ARAP3: variants seen among roughly 807,000 people sequenced by gnomAD.
ARAP3 encodes ArfGAP with RhoGAP domain, ankyrin repeat and PH domain 3.
In ARAP3, 82 loss-of-function variants were observed where a neutral mutation model predicts 169.2. That is an observed-to-expected ratio of 0.48 (90% CI 0.41 to 0.58). The LOEUF (loss-of-function observed/expected upper bound fraction) is 0.58, where lower values mean the gene tolerates loss of function less well. Ranked by LOEUF, ARAP3 falls within the 20% of genes least tolerant of loss-of-function variation. The pLI is 0.00. For synonymous variants in ARAP3, 791 were observed against 800.3 expected, an observed-to-expected ratio of 0.99 and a Z score of 0.20; for missense variants, 1,764 against 2,018.0, an observed-to-expected ratio of 0.87 and a Z score of 2.41.
At chr5:141,675,801 T>C (rs2099912106) in intron 4 of ARAP3, among the ~76,000 whole-genome samples, 2 of 152,138 alleles carry the variant, frequency 1.3e-5, no homozygotes, top group Admixed American at 1.3e-4. Context: ...CCTACTTCAC[T>C]GAGAAATTGA....
chr5:141,672,189 C>T lies in ARAP3; in HGVS notation c.1498G>A (p.Ala500Thr), dbSNP rs868063738. 18 of 1,614,108 alleles carry T rather than the reference C, an allele frequency of 1.1e-5. No homozygotes were observed. Among genetic ancestry groups the T allele is most frequent in the Non-Finnish European group, 1.5e-5 (18 of 1,180,046 alleles). ...EVAEKIWSNR[A>T]NRQCADCGSS... ...CCACAGTCCGCACACTGCCGGTTGG[C>T]CCGATTAGACCAGATCTTCTCAGCC... The change falls in exon 10 of 33, where the codon GCC becomes ACC. Residue 500 changes from alanine to threonine, a missense_variant. By Grantham distance (58) the Ala-to-Thr change is moderately conservative (BLOSUM62 0). Transcript: ENST00000239440. The surrounding 1 kb of genome is among the most constrained non-coding windows in gnomAD (Gnocchi z 4.9).
chr5:141,658,256 C>A, intron 25 of ARAP3, 109 bp downstream of exon 25: 1 of 1,069,238 alleles, frequency 9.4e-7, no homozygotes, highest in South Asian at 1.5e-5. Flanking sequence ...ATGAGTCATC[C>A]ATGAGTTACC....
At chr5:141,670,376 C>G in intron 14 of ARAP3, 136 bp downstream of exon 14, 1 of 980,178 alleles carries the variant, frequency 1.0e-6, no homozygotes, top group South Asian at 1.5e-5. Flanking sequence ...CCCTCTCTCA[C>G]CCCCAGGACC....
chr5:141,671,469 T>A lies in ARAP3; in HGVS notation c.1855-69A>T. 6.3e-7 allele frequency: 1 copy of A among 1,598,842 alleles called. No individual in the cohort carries two copies. The highest frequency in any genetic ancestry group is 1.1e-5 in the South Asian group (1 of 88,830). On this transcript the variant is annotated intron_variant, in intron 12 of 32. Transcript: ENST00000239440. This position sits in a 1 kb window ranked among gnomAD's most constrained non-coding sequence, Gnocchi z 4.9. ...GAGAGCACTGGGGACAGTCGTATCA[T>A]CACTAAAAACAGTCCCCACCACCCA... is the stretch of plus-strand genomic sequence containing the variant.
Position 141,673,826 on chromosome 5 carries a change from A to C in ARAP3, c.699-18T>G. ...TGCTGAGCCTTGTGGGGGCCAAGAC[A>C]GGGAGGGACACACATTAGACAAGTA... is the stretch of plus-strand genomic sequence containing the variant. On this transcript the variant is annotated intron_variant, in intron 4 of 32. Coordinates refer to ENST00000239440, the MANE Select transcript of ARAP3 (RefSeq NM_022481.6). 1 of 1,612,958 alleles carries C rather than the reference A, an allele frequency of 6.2e-7. No homozygotes were observed. The highest frequency in any genetic ancestry group is 8.5e-7 in the Non-Finnish European group (1 of 1,179,640).
At position 141,672,914 on chromosome 5, in the gene ARAP3, T is replaced by C. The variant is rs1045645656; in HGVS notation, c.1105A>G (p.Met369Val). The C allele has an allele frequency of 6.2e-7, 1 of 1,611,024 alleles. No homozygotes were observed. Among genetic ancestry groups the C allele is most frequent in the Middle Eastern group, 1.7e-4 (1 of 6,054 alleles). Residue 369 changes from methionine (M) to valine (V), a missense_variant, in exon 8 of 33, where the codon ATG (methionine) becomes GTG (valine). By Grantham distance (21) the Met-to-Val change is conservative. Transcript: ENST00000239440. This position sits in a 1 kb window ranked among gnomAD's most constrained non-coding sequence, Gnocchi z 4.9. ...CAGGACTGCAGCGTGGAGCACCACA[T>C]GTCCCGCTGAGCTGGTGGGGATGGA... Reference protein sequence around the residue: ...FRTESEAQRDMWCSTLQSCLK... With the variant: ...FRTESEAQRDVWCSTLQSCLK...
At chr5:141,666,729 C>A in intron 16 of ARAP3, 86 bp from the exon 17 acceptor site, 1 of 623,810 alleles carries the variant, frequency 1.6e-6, no homozygotes, top group Non-Finnish European at 2.4e-6. Flanking sequence ...ACCGGGGTAG[C>A]GAAAAGCAGA....
chr5:141,673,915 C>CCGGGCG, intron 4 of ARAP3, 107 bp from the exon 5 acceptor site: 1 of 951,070 alleles, frequency 1.1e-6, no homozygotes, highest in African/African-American at 1.7e-5. Flanking sequence ...GAATGCCTGG[C>CCGGGCG]AGGTACTGGA....
rs1159593738 is a variant in ARAP3, at chr5:141,671,116, G to A, written c.1990+149C>T. 5 of 1,086,188 alleles carry A rather than the reference G, an allele frequency of 4.6e-6. No individual in the cohort carries two copies. The African/African-American group carries it at 6.3e-5, about 14-fold the overall frequency. The allele number at this position is 1,086,188 out of a possible 1,614,324, so 67.3% of individuals were successfully genotyped here. A position where few individuals can be genotyped will look rare whatever the true frequency, so the allele number is the denominator to read the frequency against. The stretch of plus-strand genomic sequence containing the variant: ...CGTCATCAGCTATCACATGACATCA[G>A]GAGATAGGCCCTGGAGGATCTGAGG... On this transcript the variant is annotated intron_variant, in intron 13 of 32. Coordinates refer to ENST00000239440, the MANE Select transcript of ARAP3 (RefSeq NM_022481.6). The surrounding 1 kb of genome is among the most constrained non-coding windows in gnomAD (Gnocchi z 4.9).
At chr5:141,663,655 G>T (rs2099910269) in intron 19 of ARAP3, among the ~76,000 whole-genome samples, 1 of 152,218 alleles carries the variant, frequency 6.6e-6, no homozygotes, top group Non-Finnish European at 1.5e-5. Context: ...ACACGAGAGA[G>T]GCTGAGAAGA....
intron 17 of ARAP3, 26 bp from the exon 18 acceptor site, chr5:141,665,400 T>C: frequency 6.2e-6 from 10 of 1,610,844 alleles, no homozygotes; most frequent in South Asian, 1.1e-5. Flanking sequence ...GTGGACATTT[T>C]CATGATTATC....
chr5:141,656,522 C>A lies in ARAP3; in HGVS notation c.3771G>T (p.Leu1257=), dbSNP rs1037055033. ...RFFLLRGRCL[L]LLKEKKSSKP... is the part of the protein sequence containing the mutation. ...GCCTCACTTTCTTCTCCTTGAGCAG[C>A]AGCAGGCAGCGGCCACGCAGCAGAA... The change falls in exon 27 of 33, where the codon CTG becomes CTT. Residue 1257 remains leucine (L), a synonymous_variant. Coordinates refer to ENST00000239440, the MANE Select transcript of ARAP3 (RefSeq NM_022481.6). The A allele has an allele frequency of 6.2e-7, 1 of 1,612,298 alleles. No homozygotes were observed. The highest frequency in any genetic ancestry group is 8.5e-7 in the Non-Finnish European group (1 of 1,179,188).
Position 141,656,399 on chromosome 5 carries a change from A to G in ARAP3, c.3789+105T>C, listed in dbSNP as rs2154598677. 4 of 1,587,006 alleles carry G rather than the reference A, an allele frequency of 2.5e-6. No homozygotes were observed. In the East Asian group the frequency reaches 9.1e-5, roughly 36 times the overall value. ...TCACAGAAGTCGGGGGCAGGGAAGC[A>G]ATGAGATTGATGAGAGTATGGGCTG... is the stretch of plus-strand genomic sequence containing the variant. On this transcript the variant is annotated intron_variant, in intron 27 of 32. Coordinates refer to ENST00000239440, the MANE Select transcript of ARAP3 (RefSeq NM_022481.6).
Position 141,671,581 on chromosome 5 carries a change from G to A in ARAP3, c.1843C>T (p.Gln615Ter). The A allele has an allele frequency of 1.9e-6, 3 of 1,614,046 alleles. No homozygotes were observed. Among genetic ancestry groups the A allele is most frequent in the Non-Finnish European group, 1.7e-6 (2 of 1,179,962 alleles). ...TCTGTCCCTCCTACCTGGAGAAGCT[G>A]GCTATGATCTGGGTACTGAGGGTGG... The part of the protein sequence containing the change: ...KPHPQYPDHS[Q>*]LLQALCAAVA... The change falls in exon 12 of 33, where the codon CAG becomes TAG. Residue 615 changes from glutamine (Q) to a stop codon, truncating the protein, a stop_gained. Coordinates refer to ENST00000239440, the MANE Select transcript of ARAP3 (RefSeq NM_022481.6). LOFTEE classifies it high-confidence loss of function. This position sits in a 1 kb window ranked among gnomAD's most constrained non-coding sequence, Gnocchi z 4.9.
At position 141,670,347 on chromosome 5, in the gene ARAP3, T is replaced by C. The variant is rs2099911252; in HGVS notation, c.2107+165A>G. ...ACAGATGCTCTTAACTATCACCCAATGCTGCCACTTGGCATGGTCCCTCTC... is the reference window on the plus strand; with the variant it reads ...ACAGATGCTCTTAACTATCACCCAACGCTGCCACTTGGCATGGTCCCTCTC... On this transcript the variant is annotated intron_variant, in intron 14 of 32. Transcript: ENST00000239440. 2.0e-5 allele frequency among the ~76,000 whole-genome samples: 3 copies of C among 152,082 alleles called. No homozygotes were observed. The South Asian group carries it at 6.2e-4, about 31-fold the overall frequency.
Position 141,654,028 on chromosome 5 carries a change from G to A in ARAP3, c.4557C>T (p.Gly1519=), listed in dbSNP as rs765180211. The A allele has an allele frequency of 2.3e-5, 37 of 1,584,220 alleles. No individual in the cohort carries two copies. Among genetic ancestry groups the A allele is most frequent in the Admixed American group, 1.8e-4 (10 of 56,324 alleles). Residue 1519 remains glycine, a synonymous_variant, in exon 33 of 33, where the codon GGC becomes GGT. Transcript: ENST00000239440. ...PSSPQSPSPT[G]LPTQTPGFPT... ...GGAAGCCAGGTGTCTGTGTTGGAAG[G>A]CCAGTGGGGCTGGGGGATTGGGGGC...
intron 1 of ARAP3, among the ~76,000 whole-genome samples, chr5:141,681,002 C>T (rs1479189001): frequency 3.3e-5 from 5 of 152,116 alleles, no homozygotes; most frequent in Non-Finnish European, 5.9e-5. Flanking sequence ...CTCTTGTTTC[C>T]AGAGCCGATG....
chr5:141,659,192 A>G (rs534506467), intron 23 of ARAP3, among the ~76,000 whole-genome samples: 1 of 152,196 alleles, frequency 6.6e-6, no homozygotes, highest in Non-Finnish European at 1.5e-5. Context: ...GATTATCACC[A>G]GGAAGAATCC....
Position 141,661,825 on chromosome 5 carries a change from G to A in ARAP3, c.3014-36C>T, listed in dbSNP as rs376691436. On this transcript the variant is annotated intron_variant, in intron 20 of 32. Transcript: ENST00000239440. ...AATGGAGGAGGGTTGGGGAGGACCCGGGAAGAAAGAGTGGCAGCTGGTACA... is the reference window on the plus strand; with the variant it reads ...AATGGAGGAGGGTTGGGGAGGACCCAGGAAGAAAGAGTGGCAGCTGGTACA... 1.7e-4 allele frequency: 278 copies of A among 1,605,972 alleles called. 1 individual carries two copies. In the African/African-American group the frequency reaches 2.6e-3, roughly 15 times the overall value.
Sources: allele counts gnomAD v4.1 joint callset (sites outside exome capture counted in the v4.1 genomes callset), GRCh38; gene constraint gnomAD v4.1.1; non-coding constraint Gnocchi (gnomAD v3.1); transcripts MANE v1.5; gene names NCBI Gene and HGNC (gene_info 2026-07-23, HGNC 2026-07-21).